ZNF567: variants seen among roughly 807,000 people sequenced by gnomAD.
ZNF567 encodes the protein zinc finger protein 567.
In ZNF567, 36 loss-of-function variants were observed where a neutral mutation model predicts 53.9. The ratio of observed to expected loss-of-function variants is 0.67; its 90% CI spans 0.51 to 0.88. ZNF567 has a LOEUF of 0.88. ZNF567 is among the 40% of genes least tolerant of loss of function. The pLI is 0.00. For synonymous variants in ZNF567, 224 were observed against 260.4 expected, an observed-to-expected ratio of 0.86 and a Z score of 1.35; for missense variants, 619 against 764.7, an observed-to-expected ratio of 0.81 and a Z score of 2.25.
upstream of ZNF567, among the ~76,000 whole-genome samples, chr19:36,682,889 G>T (rs1015399834): frequency 2.6e-5 from 4 of 151,940 alleles, no homozygotes; most frequent in Non-Finnish European, 4.4e-5. Flanking sequence ...TTACAGGCGT[G>T]AGCCACCACA....
At chr19:36,708,678 C>T (rs1377184681) in intron 3 of ZNF567, among the ~76,000 whole-genome samples, 4 of 152,164 alleles carry the variant, frequency 2.6e-5, no homozygotes, top group African/African-American at 9.7e-5. Flanking sequence ...TTTACTCTCT[C>T]CAAAATGTTG....
intron 1 of ZNF567, 147 bp downstream of exon 1, chr19:36,687,781 T>C (rs1366740597): frequency 6.6e-6 from 1 of 152,636 alleles, no homozygotes; most frequent in Non-Finnish European, 1.5e-5. Flanking sequence ...TGGAGGAAAG[T>C]GCGAGTCCGG....
chr19:36,669,570 C>G, the ZNF567 span, among the ~76,000 whole-genome samples: 1 of 152,120 alleles, frequency 6.6e-6, no homozygotes, highest in Non-Finnish European at 1.5e-5. Flanking sequence ...TCCATAGTGT[C>G]TATTTCAGTG....
downstream of ZNF567, among the ~76,000 whole-genome samples, chr19:36,726,373 A>C (rs1034080714): frequency 2.0e-5 from 3 of 152,064 alleles, no homozygotes; most frequent in Non-Finnish European, 4.4e-5. Flanking sequence ...GATCTTATTT[A>C]AACCTGTTTT....
chr19:36,689,806 G>A (rs2038500123), intron 2 of ZNF567, among the ~76,000 whole-genome samples: 1 of 152,076 alleles, frequency 6.6e-6, no homozygotes. Flanking sequence ...TCACCACTTT[G>A]GTTCCTGGTG....
intron 5 of ZNF567, chr19:36,714,601 C>G: frequency 2.6e-6 from 1 of 390,422 alleles, no homozygotes; most frequent in African/African-American, 2.1e-5. Flanking sequence ...GCTAAGCTCC[C>G]CTTCTCACTA....
At chr19:36,705,489 A>G (rs1378810838) in intron 3 of ZNF567, among the ~76,000 whole-genome samples, 3 of 152,288 alleles carry the variant, frequency 2.0e-5, no homozygotes, top group African/African-American at 4.8e-5. Context: ...GGATTTTCCA[A>G]ATAGCTTCCT....
downstream of ZNF567, among the ~76,000 whole-genome samples, chr19:36,722,180 G>C (rs928459037): frequency 3.7e-4 from 57 of 152,340 alleles, no homozygotes; most frequent in African/African-American, 1.3e-3. Context: ...TTTTGGCGAG[G>C]AGAGTAAGCT....
upstream of ZNF567, chr19:36,686,095 C>T (rs1346541792): frequency 1.3e-5 from 2 of 152,214 alleles, no homozygotes; most frequent in East Asian, 3.8e-4. Context: ...ATATCACTTC[C>T]ACCACATTCT....
intron 3 of ZNF567, among the ~76,000 whole-genome samples, chr19:36,710,085 G>T (rs1295561564): frequency 1.3e-5 from 2 of 151,930 alleles, no homozygotes; most frequent in Non-Finnish European, 2.9e-5. Context: ...TTGGATTTTT[G>T]AATATGACCT....
intron 2 of ZNF567, 114 bp from the exon 3 acceptor site, chr19:36,694,688 A>G (rs963410948): frequency 1.8e-6 from 1 of 555,144 alleles, no homozygotes. Flanking sequence ...TGGCATGTTC[A>G]GAGTGGACAA....
chr19:36,684,180 G>A (rs2038228465), upstream of ZNF567, among the ~76,000 whole-genome samples: 1 of 152,130 alleles, frequency 6.6e-6, no homozygotes, highest in South Asian at 2.1e-4. Context: ...ACTATATTTT[G>A]TTAGAAGAAA....
rs200278880 is a variant in ZNF567 at position 36,707,993 on chromosome 19, T to G, written c.10-4393T>G. 8.5e-5 allele frequency among the ~76,000 whole-genome samples: 13 copies of G among 152,262 alleles called. No individual in the cohort carries two copies. In the East Asian group the frequency reaches 2.1e-3, roughly 25 times the overall value. ...TCACTGCAGCCTCTAACTCCTGGGC[T>G]CAAGCGATCCCCCCACCTCAGTCTC... On this transcript the variant is annotated intron_variant, in intron 3 of 5. Coordinates refer to ENST00000682579, the MANE Select transcript of ZNF567 (RefSeq NM_001322917.1).
chr19:36,706,439 A>G (rs1336595170), intron 3 of ZNF567, among the ~76,000 whole-genome samples: 1 of 152,078 alleles, frequency 6.6e-6, no homozygotes, highest in East Asian at 1.9e-4. Context: ...TACTACAGGC[A>G]TGTGACACCA....
intron 2 of ZNF567, among the ~76,000 whole-genome samples, chr19:36,690,748 G>A (rs1461812037): frequency 6.6e-6 from 1 of 152,116 alleles, no homozygotes; most frequent in Non-Finnish European, 1.5e-5. Context: ...ATGATGGTTT[G>A]TGAATATACC....
intron 2 of ZNF567, among the ~76,000 whole-genome samples, chr19:36,694,255 C>CT (rs779061646): frequency 1.3e-5 from 2 of 152,022 alleles, no homozygotes; most frequent in Non-Finnish European, 2.9e-5. Flanking sequence ...TTAAAGAAGT[C>CT]TAACAATTCA....
chr19:36,670,107 G>C, the ZNF567 span, among the ~76,000 whole-genome samples: 1 of 151,960 alleles, frequency 6.6e-6, no homozygotes, highest in Admixed American at 6.6e-5. Context: ...TCAATTCCAG[G>C]AGATCCAAAA....
chr19:36,703,424 A>G (rs999148819), intron 3 of ZNF567, among the ~76,000 whole-genome samples: 11 of 152,052 alleles, frequency 7.2e-5, no homozygotes, highest in African/African-American at 2.7e-4. Flanking sequence ...TCAGATCTCC[A>G]GCTGCATGCT....
chr19:36,712,738 G>A (rs751489822), intron 4 of ZNF567, 43 bp from the exon 5 acceptor site: 90 of 1,570,882 alleles, frequency 5.7e-5, no homozygotes, highest in Non-Finnish European at 7.7e-5. Context: ...TTTTTCAGTG[G>A]TATTATAGCC....
Sources: allele counts gnomAD v4.1 joint callset (sites outside exome capture counted in the v4.1 genomes callset), GRCh38; gene constraint gnomAD v4.1.1; transcripts MANE v1.5; gene names NCBI Gene and HGNC (gene_info 2026-07-23, HGNC 2026-07-21).